TRIM14: variants seen among roughly 807,000 people sequenced by gnomAD.
TRIM14 encodes tripartite motif-containing protein 14.
A neutral mutation model predicts 44.5 loss-of-function variants in TRIM14; 28 were observed. The observed-to-expected ratio is 0.63, with a 90% CI of 0.47 to 0.86. The LOEUF (loss-of-function observed/expected upper bound fraction) is 0.86. Ranked by LOEUF, TRIM14 falls within the 40% of genes least tolerant of loss-of-function variation. The pLI, the probability that TRIM14 is intolerant of heterozygous loss-of-function variation, is 0.00. For missense variants in TRIM14, 607 were observed against 611.1 expected (o/e 0.99, Z 0.07); for synonymous variants, 299 against 269.2 (o/e 1.11, Z -1.08).
chr9:98,082,494 AAT>A (rs1429666586), downstream of TRIM14, among the ~76,000 whole-genome samples: 2 of 152,210 alleles, frequency 1.3e-5, no homozygotes, highest in African/African-American at 4.8e-5. Flanking sequence ...TACATTCTGT[AAT>A]ATCACCAATC....
chr9:98,099,821 A>C, intron 3 of TRIM14, 110 bp downstream of exon 3: 1 of 919,750 alleles, frequency 1.1e-6, no homozygotes, highest in Non-Finnish European at 1.7e-6. Flanking sequence ...GTGACAAGAC[A>C]ATAGTCCATG....
chr9:98,085,848 A>G lies in TRIM14; in HGVS notation c.*1622T>C, dbSNP rs1488444977. The stretch of plus-strand genomic sequence containing the variant: ...GTTCAAACTAATGCACTGAAAGTCT[A>G]TTTAAACCACGAGGATTCGGCGACC... On this transcript the variant is annotated 3_prime_UTR_variant, in exon 6 of 6. Transcript: ENST00000341469. 6.6e-6 allele frequency: 1 copy of G among 152,198 alleles called. No homozygotes were observed. The highest frequency in any genetic ancestry group is 2.4e-5 in the African/African-American group (1 of 41,434). 9.4% of individuals were successfully genotyped at this position (152,198 alleles called of 1,614,324 possible). A position where few individuals can be genotyped will look rare whatever the true frequency, so the allele number is the denominator to read the frequency against.
the TRIM14 span, among the ~76,000 whole-genome samples, chr9:98,052,446 A>G: frequency 8.5e-5 from 13 of 152,278 alleles, no homozygotes; most frequent in African/African-American, 2.6e-4. Context: ...TTGCATATCC[A>G]CTTTTTATTA....
At chr9:98,090,718 C>T (rs772998274) in intron 5 of TRIM14, among the ~76,000 whole-genome samples, 1 of 152,104 alleles carries the variant, frequency 6.6e-6, no homozygotes, top group Non-Finnish European at 1.5e-5. Context: ...TGCATGCCAC[C>T]ATGCCCAGCT....
rs535736652 is a variant in TRIM14, at chr9:98,093,982, C to G, written c.700+885G>C. Among the ~76,000 whole-genome samples, 1,036 of 152,164 alleles carry G rather than the reference C, an allele frequency of 6.8e-3. 8 individuals carry two copies. Among genetic ancestry groups the G allele is most frequent in the Non-Finnish European group, 9.5e-3 (645 of 67,988 alleles). ...GCTGGTCTCAAACTCCTGACCTCAT[C>G]ATCCACCCACCTCGGCCTCCCAAAG... On this transcript the variant is annotated intron_variant, in intron 4 of 5. Transcript: ENST00000341469.
intron 2 of TRIM14, 40 bp from the exon 3 acceptor site, chr9:98,100,204 A>C: frequency 6.4e-7 from 1 of 1,563,486 alleles, no homozygotes; most frequent in Non-Finnish European, 8.8e-7. Context: ...CATGTCTGCC[A>C]ACCAGGAAAT....
chr9:98,036,890 T>C, the TRIM14 span, among the ~76,000 whole-genome samples: 2 of 152,226 alleles, frequency 1.3e-5, no homozygotes, highest in Non-Finnish European at 2.9e-5. Flanking sequence ...CCTGGCCCCG[T>C]AGGACACAGT....
At chr9:98,092,472 T>G in intron 4 of TRIM14, 1 of 385,980 alleles carries the variant, frequency 2.6e-6, no homozygotes. Context: ...CCTTCCCAGC[T>G]ATTGGGGCCG....
At chr9:98,107,444 G>A (rs1250363455) in intron 2 of TRIM14, among the ~76,000 whole-genome samples, 3 of 152,208 alleles carry the variant, frequency 2.0e-5, no homozygotes, top group Non-Finnish European at 4.4e-5. Context: ...TATCGGATTA[G>A]TGGAATATTA....
chr9:98,082,530 G>A (rs1402508223), downstream of TRIM14, among the ~76,000 whole-genome samples: 8 of 152,296 alleles, frequency 5.3e-5, no homozygotes, highest in East Asian at 1.3e-3. Context: ...GACAGGATAA[G>A]TTTCCATTTG....
At chr9:98,050,775 T>A in the TRIM14 span, among the ~76,000 whole-genome samples, 1 of 152,118 alleles carries the variant, frequency 6.6e-6, no homozygotes, top group Non-Finnish European at 1.5e-5. Flanking sequence ...GTCCTCATGG[T>A]TGCACATTTC....
intron 3 of TRIM14, 25 bp downstream of exon 3, chr9:98,099,906 G>T: frequency 6.3e-7 from 1 of 1,599,432 alleles, no homozygotes; most frequent in Non-Finnish European, 8.6e-7. Context: ...GGTGGCAGCA[G>T]TAAGAGCAGT....
intron 3 of TRIM14, among the ~76,000 whole-genome samples, chr9:98,099,392 T>C (rs1354562548): frequency 7.1e-6 from 1 of 140,632 alleles, no homozygotes. Context: ...GCAGAGGTTG[T>C]GGTGAGCTGA....
At chr9:98,047,219 G>GT in the TRIM14 span, among the ~76,000 whole-genome samples, 44 of 152,238 alleles carry the variant, frequency 2.9e-4, no homozygotes, top group South Asian at 1.0e-3. Flanking sequence ...CTTTTGCTTG[G>GT]TTTTCATTCT....
chr9:98,097,389 A>G lies in TRIM14; in HGVS notation c.538-2360T>C, dbSNP rs1224251483. ...TGGTTCCCCAGCCTGTCAAGCTCTC[A>G]CATGTACACAGTTCCTGTCTGTCCT... On this transcript the variant is annotated intron_variant, in intron 3 of 5. Coordinates refer to ENST00000341469, the MANE Select transcript of TRIM14 (RefSeq NM_014788.4). Among the ~76,000 whole-genome samples, 4 of 152,002 alleles carry G rather than the reference A, an allele frequency of 2.6e-5. 1 individual carries two copies. Among genetic ancestry groups the G allele is most frequent in the African/African-American group, 9.7e-5 (4 of 41,366 alleles).
At chr9:98,056,770 C>G in the TRIM14 span, 17 of 1,603,704 alleles carry the variant, frequency 1.1e-5, no homozygotes, top group South Asian at 1.8e-4. Context: ...GCGGCCGGAC[C>G]CAGACTGGTA....
downstream of TRIM14, among the ~76,000 whole-genome samples, chr9:98,079,698 AT>A (rs932893427): frequency 2.6e-5 from 4 of 152,034 alleles, no homozygotes; most frequent in African/African-American, 9.7e-5. Flanking sequence ...GACCCCAGCT[AT>A]TTTCCTTTTC....
At chr9:98,042,010 C>T in the TRIM14 span, among the ~76,000 whole-genome samples, 5 of 151,538 alleles carry the variant, frequency 3.3e-5, no homozygotes, top group Non-Finnish European at 5.9e-5. Flanking sequence ...AAAAAGTTTT[C>T]CTGGCCGGGC....
chr9:98,041,638 T>A, the TRIM14 span, among the ~76,000 whole-genome samples: 9 of 152,176 alleles, frequency 5.9e-5, no homozygotes, highest in South Asian at 2.1e-4. Flanking sequence ...ATTGCAGGCA[T>A]GTGCCACCAC....
Sources: allele counts gnomAD v4.1 joint callset (sites outside exome capture counted in the v4.1 genomes callset), GRCh38; gene constraint gnomAD v4.1.1; transcripts MANE v1.5; gene names NCBI Gene and HGNC (gene_info 2026-07-23, HGNC 2026-07-21).